The following B3GALT1 variants were observed in gnomAD, a reference collection of about 807,000 sequenced individuals.
B3GALT1 encodes beta-1,3-galactosyltransferase 1, also known as UDP-Gal:betaGlcNAc beta 1,3-galactosyltransferase, polypeptide 1.
B3GALT1 carries 10 observed loss-of-function variants against 23.2 expected under a neutral mutation model. The ratio of observed to expected loss-of-function variants is 0.43; its 90% confidence interval spans 0.27 to 0.73. The LOEUF (loss-of-function observed/expected upper bound fraction) is 0.73, where lower values mean the gene tolerates loss of function less well. Among genes scored for constraint, B3GALT1 ranks in the 30% least tolerant of loss-of-function variants. B3GALT1 has a pLI of 0.21. For missense variants in B3GALT1, 299 were observed against 405.4 expected (o/e 0.74, Z 2.25); for synonymous variants, 156 against 141.5 (o/e 1.10, Z -0.73).
At chr2:167,358,689 AATT>A (rs1318760554) in intron 1 of B3GALT1, among the ~76,000 whole-genome samples, 1 of 152,174 alleles carries the variant, frequency 6.6e-6, no homozygotes, top group Non-Finnish European at 1.5e-5. Flanking sequence ...ACTATATTGG[AATT>A]ATTAACACTG....
chr2:167,566,065 G>A (rs533142142), intron 2 of B3GALT1, among the ~76,000 whole-genome samples: 33 of 151,930 alleles, frequency 2.2e-4, no homozygotes, highest in Non-Finnish European at 3.5e-4. Flanking sequence ...TGTTTATTGC[G>A]GCACTATTCA....
intron 4 of B3GALT1, among the ~76,000 whole-genome samples, chr2:167,820,411 ATGTGGGATGACCAGTGAGT>A (rs889757043): frequency 1.3e-5 from 2 of 152,038 alleles, no homozygotes; most frequent in African/African-American, 4.8e-5. Flanking sequence ...GGGCTATGGG[ATGTGGGATGACCAGTGAGT>A]TGTGAGTAGA....
intron 1 of B3GALT1, among the ~76,000 whole-genome samples, chr2:167,341,638 G>A (rs1377310491): frequency 6.6e-6 from 1 of 152,024 alleles, no homozygotes; most frequent in Non-Finnish European, 1.5e-5. Context: ...CTCCAGCCTG[G>A]GCAGGAGAGT....
intron 1 of B3GALT1, among the ~76,000 whole-genome samples, chr2:167,468,845 T>TGCACAACAGAATGAGACTCCATCTC (rs1699383987): frequency 6.6e-6 from 1 of 152,294 alleles, no homozygotes; most frequent in East Asian, 1.9e-4. Flanking sequence ...CACTCCAGCC[T>TGCACAACAGAATGAGACTCCATCTC]GCACAACAGA....
At chr2:167,556,845 T>G (rs1030309293) in intron 2 of B3GALT1, among the ~76,000 whole-genome samples, 1 of 152,212 alleles carries the variant, frequency 6.6e-6, no homozygotes, top group Non-Finnish European at 1.5e-5. Flanking sequence ...CTTCTTACTG[T>G]GTGCCATCTT....
chr2:167,642,710 C>G (rs1685674697), intron 2 of B3GALT1, among the ~76,000 whole-genome samples: 1 of 152,074 alleles, frequency 6.6e-6, no homozygotes, highest in Admixed American at 6.6e-5. Context: ...TATTTTTCTT[C>G]TCATATATTA....
At chr2:167,446,905 G>A (rs1274889342) in intron 1 of B3GALT1, among the ~76,000 whole-genome samples, 1 of 152,128 alleles carries the variant, frequency 6.6e-6, no homozygotes, top group Non-Finnish European at 1.5e-5. Context: ...TTGCTGGTGA[G>A]GAGCTACGTT....
intron 1 of B3GALT1, among the ~76,000 whole-genome samples, chr2:167,386,635 C>T (rs1697933135): frequency 1.3e-5 from 2 of 152,052 alleles, no homozygotes; most frequent in African/African-American, 2.4e-5. Context: ...ATGTTACTAG[C>T]CTTATACTGC....
At chr2:167,856,017 A>G (rs368605662) in intron 4 of B3GALT1, among the ~76,000 whole-genome samples, 39 of 152,286 alleles carry the variant, frequency 2.6e-4, no homozygotes, top group African/African-American at 9.1e-4. Context: ...AAGTAAAAAC[A>G]TCCTTTGAAT....
At position 167,870,080 on chromosome 2, in the gene B3GALT1, T is replaced by TGGTATTTTCCAGGTGTC. The variant is rs1690312968; in HGVS notation, c.*63_*79dup. ...TTTTAAGAAATGGGACCTAAGGTGT[T>TGGTATTTTCCAGGTGTC]GGTATTTTCCAGGTGTCGGGGGAAA... On this transcript the variant is annotated 3_prime_UTR_variant, in exon 5 of 5. Coordinates refer to ENST00000392690, the MANE Select transcript of B3GALT1 (RefSeq NM_020981.4). 1 of 1,482,700 alleles carries TGGTATTTTCCAGGTGTC rather than the reference T, an allele frequency of 6.7e-7. No homozygotes were observed. The highest frequency in any genetic ancestry group is 9.0e-7 in the Non-Finnish European group (1 of 1,108,398). The allele number at this position is 1,482,700 out of a possible 1,614,324, so 91.8% of individuals were successfully genotyped here. A position where few individuals can be genotyped will look rare whatever the true frequency, so the allele number is the denominator to read the frequency against.
intron 2 of B3GALT1, among the ~76,000 whole-genome samples, chr2:167,512,546 GTATATATATGTATATATATATGTA>G (rs1553463223): frequency 3.1e-4 from 25 of 80,208 alleles, no homozygotes; most frequent in Middle Eastern, 9.3e-3. Flanking sequence ...ATATATATAT[GTATATATATGTATATATATATGTA>G]TATATATATG....
intron 3 of B3GALT1, among the ~76,000 whole-genome samples, chr2:167,674,048 C>G (rs1686381338): frequency 6.6e-6 from 1 of 152,056 alleles, no homozygotes; most frequent in Non-Finnish European, 1.5e-5. Context: ...TAATTAAATA[C>G]ACAACCATAG....
At chr2:167,330,218 TTTTG>T (rs1696951695) in intron 1 of B3GALT1, among the ~76,000 whole-genome samples, 1 of 151,422 alleles carries the variant, frequency 6.6e-6, no homozygotes, top group Non-Finnish European at 1.5e-5. Context: ...TCAGATTCTT[TTTTG>T]TTTATTTTTG....
intron 3 of B3GALT1, among the ~76,000 whole-genome samples, chr2:167,658,885 G>T (rs1686006029): frequency 1.3e-5 from 2 of 152,072 alleles, no homozygotes; most frequent in South Asian, 4.1e-4. Context: ...TTGTGTATCT[G>T]GTAAAACTTT....
chr2:167,560,266 G>T (rs1248041117), intron 2 of B3GALT1, among the ~76,000 whole-genome samples: 2 of 152,002 alleles, frequency 1.3e-5, no homozygotes, highest in Non-Finnish European at 2.9e-5. Flanking sequence ...GACAGATTTT[G>T]TCACCACCAG....
At chr2:167,402,809 G>A (rs888588074) in intron 1 of B3GALT1, among the ~76,000 whole-genome samples, 1 of 152,090 alleles carries the variant, frequency 6.6e-6, no homozygotes, top group African/African-American at 2.4e-5. Flanking sequence ...TGAAGTTCCT[G>A]AGTTAGTCAT....
chr2:167,411,765 A>G (rs907101742), intron 1 of B3GALT1, among the ~76,000 whole-genome samples: 2 of 152,250 alleles, frequency 1.3e-5, no homozygotes, highest in Non-Finnish European at 2.9e-5. Context: ...CTGCACTTCC[A>G]TGTTTATTGT....
At chr2:167,454,997 C>G (rs992867453) in intron 1 of B3GALT1, among the ~76,000 whole-genome samples, 4 of 152,230 alleles carry the variant, frequency 2.6e-5, no homozygotes, top group African/African-American at 4.8e-5. Context: ...CAGGGACACT[C>G]TCCCTGAAGA....
At chr2:167,379,309 A>C (rs1000817348) in intron 1 of B3GALT1, among the ~76,000 whole-genome samples, 2 of 152,134 alleles carry the variant, frequency 1.3e-5, no homozygotes, top group Non-Finnish European at 2.9e-5. Context: ...CTCCCTTGAC[A>C]TGTGGGGATT....
Sources: gnomAD v4.1 joint callset for allele counts (sites outside exome capture counted in the v4.1 genomes callset) on GRCh38, gnomAD v4.1.1 for gene constraint, MANE v1.5 for transcripts, NCBI Gene and HGNC (gene_info 2026-07-23, HGNC 2026-07-21) for gene names.